VPS13D: variants seen among roughly 807,000 people sequenced by gnomAD.
VPS13D encodes the protein vacuolar protein sorting 13 homolog D.
Under a neutral mutation model 461.9 loss-of-function variants are expected in VPS13D, and 187 were observed. That is an observed-to-expected ratio of 0.40 (90% CI 0.36 to 0.46). The LOEUF is 0.46. VPS13D is among the 20% of genes least tolerant of loss of function. The pLI is 0.60. For missense variants in VPS13D, 4,711 were observed against 5,364.9 expected (o/e 0.88, Z 3.81); for synonymous variants, 1,951 against 1,986.3 (o/e 0.98, Z 0.47).
In VPS13D at chr1:12,483,996, C is replaced by CA. The variant is rs991510896; in HGVS notation, c.12663-13491dup. 6.1e-3 allele frequency among the ~76,000 whole-genome samples: 790 copies of CA among 129,840 alleles called. 6 individuals are homozygous for CA. Among genetic ancestry groups the CA allele is most frequent in the African/African-American group, 0.018 (614 of 34,866 alleles). The allele number at this position is 129,840 out of a possible 152,430, so 85.2% of individuals were successfully genotyped here. ...TGGGCAACAGAGTGGGACTCCCTCT[C>CA]AAAAAAAAAAAAATAAAAATAAGAA... On this transcript the variant is annotated intron_variant, in intron 67 of 69. Transcript: ENST00000620676.
chr1:12,264,666 CAG>C (rs1641211206), intron 13 of VPS13D, among the ~76,000 whole-genome samples: 1 of 152,184 alleles, frequency 6.6e-6, no homozygotes, highest in Non-Finnish European at 1.5e-5. Flanking sequence ...TTGAAGCTAG[CAG>C]AGGCTGGTTC....
intron 65 of VPS13D, among the ~76,000 whole-genome samples, chr1:12,440,681 G>A (rs1224357607): frequency 6.6e-6 from 1 of 152,120 alleles, no homozygotes; most frequent in Non-Finnish European, 1.5e-5. Flanking sequence ...TTGGAGCTCA[G>A]CCTGGCCAGC....
chr1:12,470,423 A>G (rs544641658), intron 67 of VPS13D, among the ~76,000 whole-genome samples: 4 of 152,168 alleles, frequency 2.6e-5, no homozygotes, highest in Admixed American at 1.3e-4. Context: ...GTGCTTTTCT[A>G]TCCTTTAGTG....
Position 12,311,934 on chromosome 1 carries a change from T to C in VPS13D, c.6935+9T>C. ...GCTGGGTCCCTAGCCAGGTATGCCT[T>C]TGATTATATTATTATACTGTTAGTA... On this transcript the variant is annotated intron_variant, in intron 29 of 69. Coordinates refer to ENST00000620676, the MANE Select transcript of VPS13D (RefSeq NM_015378.4). 1 of 1,598,046 alleles carries C rather than the reference T, an allele frequency of 6.3e-7. No individual in the cohort carries two copies. Among genetic ancestry groups the C allele is most frequent in the Non-Finnish European group, 8.6e-7 (1 of 1,166,186 alleles).
intron 65 of VPS13D, among the ~76,000 whole-genome samples, chr1:12,418,715 A>G (rs1272118857): frequency 2.0e-5 from 3 of 152,216 alleles, no homozygotes; most frequent in Non-Finnish European, 4.4e-5. Flanking sequence ...CATTACTTTG[A>G]CTGTAGTATT....
intron 65 of VPS13D, among the ~76,000 whole-genome samples, chr1:12,442,297 CTG>C (rs965855264): frequency 2.6e-5 from 4 of 152,034 alleles, no homozygotes; most frequent in African/African-American, 7.2e-5. Context: ...ATTTTTCCCA[CTG>C]TCTTTGAATT....
chr1:12,338,937 G>C (rs970177836), intron 40 of VPS13D, among the ~76,000 whole-genome samples: 6 of 152,184 alleles, frequency 3.9e-5, no homozygotes, highest in African/African-American at 1.4e-4. Context: ...AAGATGTTCA[G>C]TTTTTGTTTT....
At position 12,261,105 on chromosome 1, in the gene VPS13D, T is replaced by C. The variant is rs1641094162; in HGVS notation, c.1370T>C (p.Leu457Pro). 9 of 1,614,100 alleles carry C rather than the reference T, an allele frequency of 5.6e-6. No homozygotes were observed. The highest frequency in any genetic ancestry group is 3.3e-5 in the Admixed American group (2 of 60,008). Residue 457 changes from leucine to proline, a missense_variant, in exon 12 of 70, where the codon CTG (leucine) becomes CCG (proline). Physicochemically the swap from Leu to Pro is moderately conservative, Grantham distance 98 (BLOSUM62 -3). Transcript: ENST00000620676. Reference protein sequence around the residue: ...QTPEGNVVEGLSAEQQEQWIP... With the variant: ...QTPEGNVVEGPSAEQQEQWIP... ...CCAGAAGGGAATGTGGTTGAGGGACTGTCAGCAGAGCAACAGGAGCAGTGG... is the reference window on the plus strand; with the variant it reads ...CCAGAAGGGAATGTGGTTGAGGGACCGTCAGCAGAGCAACAGGAGCAGTGG...
At chr1:12,293,761 T>G in intron 24 of VPS13D, 57 bp downstream of exon 24, 1 of 1,553,914 alleles carries the variant, frequency 6.4e-7, no homozygotes, top group Non-Finnish European at 8.7e-7. Context: ...AGTAGAACTT[T>G]TAGGCCTCTA....
chr1:12,411,233 T>G (rs1453411606), intron 63 of VPS13D, among the ~76,000 whole-genome samples: 3 of 152,206 alleles, frequency 2.0e-5, no homozygotes, highest in Non-Finnish European at 4.4e-5. Flanking sequence ...TTCAGATTAG[T>G]TATTAGAATA....
At chr1:12,380,827 G>A (rs1208982128) in intron 57 of VPS13D, among the ~76,000 whole-genome samples, 2 of 152,086 alleles carry the variant, frequency 1.3e-5, no homozygotes, top group South Asian at 2.1e-4. Flanking sequence ...TATCTCTATC[G>A]CCCTGAGCTT....
chr1:12,402,174 A>G (rs1393527722), intron 62 of VPS13D, among the ~76,000 whole-genome samples: 1 of 152,202 alleles, frequency 6.6e-6, no homozygotes, highest in East Asian at 1.9e-4. Context: ...AACTTTTGAC[A>G]TCCAAACCCT....
intron 65 of VPS13D, among the ~76,000 whole-genome samples, chr1:12,423,645 A>G (rs1318681379): frequency 2.0e-5 from 3 of 152,152 alleles, no homozygotes; most frequent in Non-Finnish European, 2.9e-5. Context: ...CAAACCTTTC[A>G]CCAGCCCTTT....
At chr1:12,296,202 A>G (rs148695585) in intron 24 of VPS13D, among the ~76,000 whole-genome samples, 47 of 152,310 alleles carry the variant, frequency 3.1e-4, no homozygotes, top group African/African-American at 1.0e-3. Context: ...TTACTGAGCC[A>G]TAGGGTGTGC....
intron 65 of VPS13D, among the ~76,000 whole-genome samples, chr1:12,431,010 T>C (rs1644984498): frequency 6.6e-6 from 1 of 152,228 alleles, no homozygotes; most frequent in South Asian, 2.1e-4. Flanking sequence ...ATAAAAGTTG[T>C]TAGGACTAAA....
At chr1:12,439,618 G>A (rs1175896401) in intron 65 of VPS13D, among the ~76,000 whole-genome samples, 1 of 152,190 alleles carries the variant, frequency 6.6e-6, no homozygotes, top group East Asian at 1.9e-4. Context: ...GACACACTCA[G>A]TCCATAGTAT....
rs1476112135 is a variant in VPS13D, at chr1:12,261,103, A to G, written c.1368A>G (p.Gly456=). 1.2e-6 allele frequency: 2 copies of G among 1,614,054 alleles called. No individual in the cohort carries two copies. Among genetic ancestry groups the G allele is most frequent in the African/African-American group, 2.7e-5 (2 of 74,920 alleles). The part of the protein sequence containing the change: ...QQTPEGNVVE[G]LSAEQQEQWI... ...CCCCAGAAGGGAATGTGGTTGAGGG[A>G]CTGTCAGCAGAGCAACAGGAGCAGT... is the stretch of plus-strand genomic sequence containing the variant. The change falls in exon 12 of 70, where the codon GGA becomes GGG. Residue 456 remains glycine (G), a synonymous_variant. Transcript: ENST00000620676.
At chr1:12,461,963 T>G (rs911300560) in intron 67 of VPS13D, among the ~76,000 whole-genome samples, 1 of 152,200 alleles carries the variant, frequency 6.6e-6, no homozygotes, top group Non-Finnish European at 1.5e-5. Context: ...GACATTCTTG[T>G]CATTTTTATT....
chr1:12,398,450 G>A (rs1423656225), intron 60 of VPS13D, among the ~76,000 whole-genome samples: 1 of 151,858 alleles, frequency 6.6e-6, no homozygotes. Flanking sequence ...TGTAAAATGA[G>A]GAGGAATAAT....
Sources: gnomAD v4.1 joint callset for allele counts (sites outside exome capture counted in the v4.1 genomes callset) on GRCh38, gnomAD v4.1.1 for gene constraint, MANE v1.5 for transcripts, NCBI Gene and HGNC (gene_info 2026-07-23, HGNC 2026-07-21) for gene names.